The following PCDHA1 variants were observed in gnomAD, a reference collection of about 807,000 sequenced individuals.
PCDHA1 encodes the protein protocadherin alpha 1.
PCDHA1 carries 42 observed loss-of-function variants against 61.3 expected under a neutral mutation model. The ratio of observed to expected loss-of-function variants is 0.69; its 90% CI spans 0.54 to 0.89. The LOEUF (loss-of-function observed/expected upper bound fraction) is 0.89, where lower values mean the gene tolerates loss of function less well. PCDHA1 is among the 40% of genes least tolerant of loss of function. The pLI is 0.00. For synonymous variants in PCDHA1, 610 were observed against 553.8 expected, an observed-to-expected ratio of 1.10 and a Z score of -1.43; for missense variants, 1,256 against 1,235.3, an observed-to-expected ratio of 1.02 and a Z score of -0.25.
At chr5:140,927,157 G>T (rs868936673) in intron 1 of PCDHA1, 1 of 1,614,146 alleles carries the variant, frequency 6.2e-7, no homozygotes, top group Admixed American at 1.7e-5. Flanking sequence ...GCTGTGCAGG[G>T]CCAAAGCTGC....
intron 1 of PCDHA1, among the ~76,000 whole-genome samples, chr5:140,894,320 G>T (rs191376863): frequency 1.1e-3 from 163 of 152,016 alleles, no homozygotes; most frequent in Non-Finnish European, 1.7e-3. Flanking sequence ...TTAAATTATA[G>T]ATTTTAGTAT....
intron 1 of PCDHA1, among the ~76,000 whole-genome samples, chr5:140,890,175 A>G (rs1488442027): frequency 6.6e-6 from 1 of 152,158 alleles, no homozygotes; most frequent in Non-Finnish European, 1.5e-5. Context: ...GAAATAGGCA[A>G]ATGCTACAAA....
intron 1 of PCDHA1, chr5:140,864,624 A>C (rs2048544669): frequency 6.6e-6 from 1 of 152,110 alleles, no homozygotes; most frequent in African/African-American, 2.4e-5. Flanking sequence ...TTTTTTAAAA[A>C]GAAAACAAAA....
intron 1 of PCDHA1, among the ~76,000 whole-genome samples, chr5:140,888,353 A>G (rs907810387): frequency 1.9e-4 from 29 of 152,220 alleles, no homozygotes; most frequent in African/African-American, 6.8e-4. Context: ...GGGAATTGCT[A>G]CTGGCATCTA....
intron 1 of PCDHA1, chr5:140,808,790 G>A: frequency 6.2e-7 from 1 of 1,612,616 alleles, no homozygotes; most frequent in African/African-American, 1.3e-5. Flanking sequence ...GCAGTTTCAG[G>A]TGACCGCTCG....
chr5:140,977,610 A>G (rs1056611698), intron 1 of PCDHA1, among the ~76,000 whole-genome samples: 1 of 152,196 alleles, frequency 6.6e-6, no homozygotes, highest in Non-Finnish European at 1.5e-5. Context: ...CCATTGAGGT[A>G]AAGTATCCCA....
chr5:140,860,328 C>G (rs971322066), intron 1 of PCDHA1: 8 of 151,880 alleles, frequency 5.3e-5, no homozygotes, highest in Non-Finnish European at 1.0e-4. Context: ...CTGCAGTGAC[C>G]CATGATTGTG....
intron 1 of PCDHA1, chr5:140,805,334 T>C: frequency 1.6e-6 from 2 of 1,235,188 alleles, no homozygotes; most frequent in South Asian, 4.9e-5. Flanking sequence ...TTGATGTCAA[T>C]GATCATTTTG....
At position 140,853,369 on chromosome 5, in the gene PCDHA1, T is replaced by A. The variant is rs1471724448; in HGVS notation, c.2394+64685T>A. On this transcript the variant is annotated intron_variant, in intron 1 of 3. Transcript: ENST00000504120. ...ACATGAACTCACAGGGATCCAGAGA[T>A]GGTAAAATTCAAAACAGCCTGTCAA... is the stretch of plus-strand genomic sequence containing the variant. 3.1e-6 allele frequency: 3 copies of A among 982,868 alleles called. 1 individual carries two copies. The highest frequency in any genetic ancestry group is 3.7e-6 in the Non-Finnish European group (3 of 815,606). The allele number at this position is 982,868 out of a possible 1,614,324, so 60.9% of individuals were successfully genotyped here.
At chr5:140,889,144 A>G (rs2062119546) in intron 1 of PCDHA1, among the ~76,000 whole-genome samples, 1 of 151,794 alleles carries the variant, frequency 6.6e-6, no homozygotes, top group African/African-American at 2.4e-5. Flanking sequence ...TTTTCTTCCT[A>G]ATTTCTTCTT....
intron 1 of PCDHA1, chr5:140,829,702 G>T (rs1295697160): frequency 6.2e-7 from 1 of 1,613,390 alleles, no homozygotes; most frequent in Admixed American, 1.7e-5. Flanking sequence ...AGGTGAGCGC[G>T]CGCGACGCGG....
chr5:140,850,267 T>C, intron 1 of PCDHA1: 1 of 1,592,602 alleles, frequency 6.3e-7, no homozygotes, highest in Non-Finnish European at 8.6e-7. Flanking sequence ...GGCGTAGTGG[T>C]GGGGAAGGTG....
chr5:140,848,506 C>A (rs1229499943), intron 1 of PCDHA1: 1 of 1,588,430 alleles, frequency 6.3e-7, no homozygotes. Context: ...ATGTTATACT[C>A]AAGTCGAGGA....
intron 1 of PCDHA1, among the ~76,000 whole-genome samples, chr5:140,885,265 T>C (rs2060534945): frequency 6.6e-6 from 1 of 152,186 alleles, no homozygotes; most frequent in African/African-American, 2.4e-5. Flanking sequence ...TAATTACTCA[T>C]ACATATATAT....
intron 1 of PCDHA1, among the ~76,000 whole-genome samples, chr5:140,974,046 GATA>G (rs1554235775): frequency 6.6e-6 from 1 of 152,184 alleles, no homozygotes; most frequent in African/African-American, 2.4e-5. Context: ...TTATTAATAT[GATA>G]ATATTTGGAG....
intron 1 of PCDHA1, among the ~76,000 whole-genome samples, chr5:140,798,320 A>G (rs983349949): frequency 3.3e-5 from 5 of 152,228 alleles, no homozygotes; most frequent in African/African-American, 1.2e-4. Flanking sequence ...ATAACCCATT[A>G]TTTGGTATAA....
intron 1 of PCDHA1, among the ~76,000 whole-genome samples, chr5:140,894,090 C>T (rs1554185919): frequency 6.6e-6 from 1 of 152,154 alleles, no homozygotes; most frequent in African/African-American, 2.4e-5. Flanking sequence ...CCAGTATCTT[C>T]TAGCTCCTGG....
chr5:140,797,022 C>G (rs1554120255), intron 1 of PCDHA1: 1 of 1,613,700 alleles, frequency 6.2e-7, no homozygotes, highest in South Asian at 1.1e-5. Context: ...GGGTGGGCGC[C>G]GCGGGCTCAG....
rs1443735818 is a variant in PCDHA1, at chr5:140,849,722, G to A, written c.2394+61038G>A. The A allele has an allele frequency of 7.5e-6, 12 of 1,598,448 alleles. 1 individual carries two copies. The highest frequency in any genetic ancestry group is 9.4e-6 in the Non-Finnish European group (11 of 1,167,996). On this transcript the variant is annotated intron_variant, in intron 1 of 3. Coordinates refer to ENST00000504120, the MANE Select transcript of PCDHA1 (RefSeq NM_018900.4). ...ACAAGAATTACTACTCGTTGGTGCT[G>A]GACAGAGCTCTGGACCGCGAGAGTG...
Sources: allele counts gnomAD v4.1 joint callset (sites outside exome capture counted in the v4.1 genomes callset), GRCh38; gene constraint gnomAD v4.1.1; transcripts MANE v1.5; gene names NCBI Gene and HGNC (gene_info 2026-07-23, HGNC 2026-07-21).